The following BPGM variants were observed in gnomAD, a reference collection of about 807,000 sequenced individuals.
BPGM encodes bisphosphoglycerate mutase, also known as 2,3-bisphosphoglycerate mutase, erythrocyte.
In BPGM, 15 loss-of-function variants were observed where a neutral mutation model predicts 21.6. That is an observed-to-expected ratio of 0.70 (90% CI 0.47 to 1.07). BPGM has a LOEUF of 1.07. Among genes scored for constraint, BPGM ranks in the 50% least tolerant of loss-of-function variants. BPGM has a pLI of 0.00. For synonymous variants in BPGM, 113 were observed against 116.2 expected, an observed-to-expected ratio of 0.97 and a Z score of 0.18; for missense variants, 273 against 319.0, an observed-to-expected ratio of 0.86 and a Z score of 1.10.
chr7:134,657,753 T>C (rs1795662975), intron 1 of BPGM, among the ~76,000 whole-genome samples: 2 of 152,184 alleles, frequency 1.3e-5, no homozygotes, highest in Non-Finnish European at 2.9e-5. Context: ...CTAGGAATTC[T>C]GCAGGGCACC....
At chr7:134,671,413 G>GT (rs1795902361) in intron 2 of BPGM, among the ~76,000 whole-genome samples, 2 of 148,944 alleles carry the variant, frequency 1.3e-5, no homozygotes, top group African/African-American at 5.0e-5. Context: ...CCAGGCTGGA[G>GT]TGCAGTGGTG....
In BPGM at chr7:134,667,085, AC is replaced by A. The variant is rs1344905197; in HGVS notation, c.601+4979del. On this transcript the variant is annotated intron_variant, in intron 2 of 2. Transcript: ENST00000344924. ...GGGTTTGTGTGCTTCTTGGTAACTT[AC>A]CAACCTAAAAGAAAGCATTTCATTG... 2.0e-5 allele frequency among the ~76,000 whole-genome samples: 3 copies of A among 152,188 alleles called. No individual in the cohort carries two copies. The East Asian group carries it at 5.8e-4, about 29-fold the overall frequency.
intron 1 of BPGM, among the ~76,000 whole-genome samples, chr7:134,648,950 A>C (rs1387567953): frequency 2.6e-5 from 4 of 152,216 alleles, no homozygotes; most frequent in Admixed American, 2.6e-4. Flanking sequence ...TAGCAAGTAA[A>C]AGTTCCCAGC....
At position 134,661,438 on chromosome 7, in the gene BPGM, T is replaced by A; in HGVS notation, c.-61-9T>A. On this transcript the variant is annotated splice_polypyrimidine_tract_variant and intron_variant, in intron 1 of 2. Transcript: ENST00000344924. The surrounding 1 kb of genome is among the most constrained non-coding windows in gnomAD (Gnocchi z 4.6). ...ATATAACTTAGACTTGTTGTTCTTGTCTTTCTAGATGTATTGCTGTCCTTG... is the reference window on the plus strand; with the variant it reads ...ATATAACTTAGACTTGTTGTTCTTGACTTTCTAGATGTATTGCTGTCCTTG... 1 of 1,603,730 alleles carries A rather than the reference T, an allele frequency of 6.2e-7. No homozygotes were observed. Among genetic ancestry groups the A allele is most frequent in the Admixed American group, 1.7e-5 (1 of 59,856 alleles).
intron 2 of BPGM, among the ~76,000 whole-genome samples, chr7:134,665,192 A>G (rs1272554901): frequency 6.6e-6 from 1 of 152,112 alleles, no homozygotes; most frequent in Non-Finnish European, 1.5e-5. Context: ...AAACATACGG[A>G]AGTGATAACA....
At chr7:134,647,596 T>C (rs1384917381) in intron 1 of BPGM, among the ~76,000 whole-genome samples, 1 of 152,214 alleles carries the variant, frequency 6.6e-6, no homozygotes, top group Non-Finnish European at 1.5e-5. Context: ...TAGTTGGTTG[T>C]TAGCTAACTT....
At chr7:134,647,753 G>A (rs986168064) in intron 1 of BPGM, among the ~76,000 whole-genome samples, 2 of 152,118 alleles carry the variant, frequency 1.3e-5, no homozygotes, top group Non-Finnish European at 2.9e-5. Flanking sequence ...GGTACTAAAG[G>A]TTTTTTAATA....
In BPGM at chr7:134,661,796, G is replaced by T. The variant is rs1374672280; in HGVS notation, c.289G>T (p.Gly97Cys). Reference sequence around the variant, plus strand: ...TGAGCGTCACTATGGGGCCTTGATCGGTCTCAACAGGGAGCAGATGGCTTT... The same window carrying T: ...TGAGCGTCACTATGGGGCCTTGATCTGTCTCAACAGGGAGCAGATGGCTTT... ...LNERHYGALI[G>C]LNREQMALNH... The change falls in exon 2 of 3, where the codon GGT becomes TGT. Residue 97 changes from glycine to cysteine, a missense_variant. By Grantham distance (159) the Gly-to-Cys change is radical. Coordinates refer to ENST00000344924, the MANE Select transcript of BPGM (RefSeq NM_001724.5). The surrounding 1 kb of genome is among the most constrained non-coding windows in gnomAD (Gnocchi z 4.6). The T allele has an allele frequency of 6.2e-7, 1 of 1,613,786 alleles. No individual in the cohort carries two copies.
At chr7:134,668,246 A>G (rs1056405057) in intron 2 of BPGM, among the ~76,000 whole-genome samples, 1 of 152,206 alleles carries the variant, frequency 6.6e-6, no homozygotes, top group East Asian at 1.9e-4. Context: ...GGCCGTGATC[A>G]TGGTAATTAG....
At chr7:134,651,849 T>C (rs1452270447) in intron 1 of BPGM, among the ~76,000 whole-genome samples, 3 of 152,230 alleles carry the variant, frequency 2.0e-5, no homozygotes, top group Non-Finnish European at 4.4e-5. Context: ...GATTTGTTTA[T>C]TGTCAAAGCA....
intron 1 of BPGM, among the ~76,000 whole-genome samples, chr7:134,652,143 C>G (rs1795565956): frequency 6.6e-6 from 1 of 152,142 alleles, no homozygotes; most frequent in Admixed American, 6.5e-5. Flanking sequence ...GATTCCATTA[C>G]TCATGGTACT....
At chr7:134,649,884 G>A (rs779667359) in intron 1 of BPGM, among the ~76,000 whole-genome samples, 42 of 152,054 alleles carry the variant, frequency 2.8e-4, no homozygotes, top group Non-Finnish European at 4.7e-4. Flanking sequence ...TCATATCATC[G>A]GCAAGGTAGG....
chr7:134,655,359 C>T (rs1795620238), intron 1 of BPGM, among the ~76,000 whole-genome samples: 1 of 152,058 alleles, frequency 6.6e-6, no homozygotes, highest in Non-Finnish European at 1.5e-5. Flanking sequence ...GATGAAATGG[C>T]TGCCTGGGTT....
intron 2 of BPGM, among the ~76,000 whole-genome samples, chr7:134,667,684 A>G (rs947567779): frequency 2.0e-5 from 3 of 152,236 alleles, no homozygotes; most frequent in Non-Finnish European, 2.9e-5. Context: ...AAGTAAAAAC[A>G]CTTGTGGCTG....
chr7:134,665,855 G>T (rs1240978434), intron 2 of BPGM, among the ~76,000 whole-genome samples: 2 of 147,666 alleles, frequency 1.4e-5, no homozygotes, highest in Non-Finnish European at 3.0e-5. Flanking sequence ...TTCTTTTAGA[G>T]ATTAATGACA....
At chr7:134,658,001 C>T (rs920766217) in intron 1 of BPGM, among the ~76,000 whole-genome samples, 3 of 152,082 alleles carry the variant, frequency 2.0e-5, no homozygotes, top group Non-Finnish European at 2.9e-5. Context: ...CTAGCAGCCA[C>T]GATCTAGCCT....
intron 2 of BPGM, 147 bp downstream of exon 2, chr7:134,662,255 T>G (rs966970593): frequency 2.1e-5 from 26 of 1,220,676 alleles, no homozygotes; most frequent in Admixed American, 1.4e-4. Context: ...TCTTGTTCTA[T>G]AAATCAGATC....
intron 1 of BPGM, among the ~76,000 whole-genome samples, chr7:134,657,590 G>A (rs940828178): frequency 2.0e-5 from 3 of 152,166 alleles, no homozygotes; most frequent in Admixed American, 6.5e-5. Context: ...GAAGCAGGAC[G>A]CTGCCCATCA....
intron 2 of BPGM, among the ~76,000 whole-genome samples, chr7:134,678,297 C>G (rs1209852466): frequency 6.6e-6 from 1 of 152,204 alleles, no homozygotes; most frequent in Non-Finnish European, 1.5e-5. Context: ...AAATCCCTTC[C>G]TGATTCCCTT....
Sources: gnomAD v4.1 joint callset for allele counts (sites outside exome capture counted in the v4.1 genomes callset) on GRCh38, gnomAD v4.1.1 for gene constraint, Gnocchi (gnomAD v3.1) non-coding constraint, MANE v1.5 for transcripts, NCBI Gene and HGNC (gene_info 2026-07-23, HGNC 2026-07-21) for gene names.